Variants in TTC3 observed in about 807,000 individuals in gnomAD.
The protein encoded by TTC3 is tetratricopeptide repeat domain 3.
Under a neutral mutation model 249.6 loss-of-function variants are expected in TTC3, and 180 were observed. The observed-to-expected ratio is 0.72, with a 90% CI of 0.64 to 0.82. The LOEUF is 0.82. TTC3 is among the 40% of genes least tolerant of loss of function. TTC3 has a pLI of 0.00. For missense variants in TTC3, 2,061 were observed against 2,398.4 expected, an observed-to-expected ratio of 0.86 and a Z score of 2.94; for synonymous variants, 717 against 805.0, an observed-to-expected ratio of 0.89 and a Z score of 1.85.
chr21:37,126,588 C>T (rs1247220090), intron 15 of TTC3, among the ~76,000 whole-genome samples: 2 of 152,164 alleles, frequency 1.3e-5, no homozygotes, highest in Admixed American at 1.3e-4. Context: ...TTTTGTCTCC[C>T]AATAACTAAT....
rs138862573 is a variant in TTC3 at position 37,190,130 on chromosome 21, C to CTTTTTT, written c.5025-1180_5025-1175dup. Among the ~76,000 whole-genome samples, 464 of 65,050 alleles carry CTTTTTT rather than the reference C, an allele frequency of 7.1e-3. 19 individuals carry two copies. Among genetic ancestry groups the CTTTTTT allele is most frequent in the Middle Eastern group, 0.017 (1 of 58 alleles). 42.7% of individuals were successfully genotyped at this position (65,050 alleles called of 152,430 possible). On this transcript the variant is annotated intron_variant, in intron 39 of 45. Transcript: ENST00000355666. ...TTTTAGTGTATAGTTCTTTTTCTTT[C>CTTTTTT]TTTTTTTTTTTTTTTTTTTTTTTTT...
chr21:37,148,934 C>G (rs530246529), intron 23 of TTC3, among the ~76,000 whole-genome samples: 2 of 139,318 alleles, frequency 1.4e-5, no homozygotes, highest in South Asian at 5.7e-4. Context: ...CCAAGTGATC[C>G]TACTTCAGCC....
intron 32 of TTC3, 134 bp downstream of exon 32, chr21:37,164,349 T>A (rs1033266219): frequency 5.4e-6 from 5 of 930,826 alleles, no homozygotes; most frequent in Middle Eastern, 3.4e-4. Flanking sequence ...GATTTTTTTT[T>A]TTTTTTTGAG....
At chr21:37,128,874 A>G in intron 15 of TTC3, 129 bp from the exon 16 acceptor site, 1 of 491,686 alleles carries the variant, frequency 2.0e-6, no homozygotes, top group Non-Finnish European at 3.4e-6. Context: ...ACCCTTTTGT[A>G]GTTACACCCA....
At chr21:37,098,047 G>A (rs971186661) in intron 10 of TTC3, 33 of 655,822 alleles carry the variant, frequency 5.0e-5, no homozygotes, top group Middle Eastern at 2.4e-4. Flanking sequence ...GGCTTAAGCC[G>A]TGGATAAACC....
In TTC3 at chr21:37,091,510, A is replaced by T. The variant is rs1268878923; in HGVS notation, c.601+97A>T. The T allele has an allele frequency of 6.3e-6, 7 of 1,108,128 alleles. No individual in the cohort carries two copies. The Admixed American group carries it at 2.8e-4, about 44-fold the overall frequency. 68.6% of individuals were successfully genotyped at this position (1,108,128 alleles called of 1,614,324 possible). A position where few individuals can be genotyped will look rare whatever the true frequency, so the allele number is the denominator to read the frequency against. ...TAAGTGATTTCTGATTTATCTTAGAATTTAAAAAAAGTTTTTATTTTGTTA... is the reference window on the plus strand; with the variant it reads ...TAAGTGATTTCTGATTTATCTTAGATTTTAAAAAAAGTTTTTATTTTGTTA... On this transcript the variant is annotated intron_variant, in intron 7 of 45. Coordinates refer to ENST00000355666, the Ensembl canonical transcript of TTC3.
intron 10 of TTC3, among the ~76,000 whole-genome samples, chr21:37,106,192 T>C (rs1229760002): frequency 3.3e-5 from 5 of 152,248 alleles, no homozygotes. Context: ...CATAAGGTTA[T>C]TGACCATTTG....
At chr21:37,159,773 AC>A in intron 29 of TTC3, 28 bp downstream of exon 29, 1 of 1,468,468 alleles carries the variant, frequency 6.8e-7, no homozygotes, top group Non-Finnish European at 9.0e-7. Flanking sequence ...CTTGAATCTT[AC>A]GTTCTAATCT....
chr21:37,126,180 A>C (rs564214939), intron 15 of TTC3, 37 bp downstream of exon 15: 1 of 1,595,176 alleles, frequency 6.3e-7, no homozygotes. Context: ...TGCCAAGTTA[A>C]TATAATGTCT....
chr21:37,111,150 C>G (rs1045350874), intron 11 of TTC3, among the ~76,000 whole-genome samples: 2 of 151,270 alleles, frequency 1.3e-5, no homozygotes. Flanking sequence ...CATCAACTAA[C>G]GAGCAAAATA....
chr21:37,189,728 T>C (rs1226658635), intron 39 of TTC3, among the ~76,000 whole-genome samples: 5 of 151,632 alleles, frequency 3.3e-5, no homozygotes, highest in Admixed American at 2.0e-4. Context: ...TTTGTATTTT[T>C]AGTAGAGATG....
chr21:37,197,876 T>A lies in TTC3; in HGVS notation c.5707-6T>A, dbSNP rs771552378. ...CCCCTCCCCGCCACCCCTGTTATTTTCGCAGCCAAACCCAGGAAAGGACAA... is the reference window on the plus strand; with the variant it reads ...CCCCTCCCCGCCACCCCTGTTATTTACGCAGCCAAACCCAGGAAAGGACAA... On this transcript the variant is annotated splice_region_variant and splice_polypyrimidine_tract_variant and intron_variant, in intron 43 of 45. Transcript: ENST00000355666. 6.2e-7 allele frequency: 1 copy of A among 1,610,616 alleles called. No homozygotes were observed. The highest frequency in any genetic ancestry group is 8.5e-7 in the Non-Finnish European group (1 of 1,179,110).
chr21:37,166,686 T>C (rs1185895048), intron 33 of TTC3, 71 bp downstream of exon 33: 2 of 1,480,572 alleles, frequency 1.4e-6, no homozygotes, highest in African/African-American at 1.4e-5. Flanking sequence ...ATTGCCGTTA[T>C]ATTTGCAAGA....
At chr21:37,104,264 G>A (rs2074826234) in intron 10 of TTC3, among the ~76,000 whole-genome samples, 1 of 152,170 alleles carries the variant, frequency 6.6e-6, no homozygotes, top group African/African-American at 2.4e-5. Context: ...GTAGGAGGTA[G>A]AACTGGACTT....
At chr21:37,134,589 G>A (rs939640576) in intron 17 of TTC3, among the ~76,000 whole-genome samples, 1 of 152,076 alleles carries the variant, frequency 6.6e-6, no homozygotes, top group Non-Finnish European at 1.5e-5. Flanking sequence ...TGCATTTGCG[G>A]CCCCTTTGAA....
intron 35 of TTC3, among the ~76,000 whole-genome samples, chr21:37,179,641 A>C (rs919630996): frequency 6.6e-6 from 1 of 152,196 alleles, no homozygotes; most frequent in African/African-American, 2.4e-5. Context: ...TTTCTCTACC[A>C]AACTGTGATC....
chr21:37,168,397 G>A (rs1426212562), intron 34 of TTC3, among the ~76,000 whole-genome samples: 1 of 151,814 alleles, frequency 6.6e-6, no homozygotes, highest in Non-Finnish European at 1.5e-5. Flanking sequence ...ATGATCAACT[G>A]AAAACCTACA....
chr21:37,199,801 A>G (rs1425707126), intron 44 of TTC3, among the ~76,000 whole-genome samples: 1 of 152,124 alleles, frequency 6.6e-6, no homozygotes, highest in Non-Finnish European at 1.5e-5. Context: ...CCAGCTTTCT[A>G]TGTCAGGGAT....
chr21:37,100,846 G>A (rs1342418022), intron 10 of TTC3: 1 of 152,212 alleles, frequency 6.6e-6, no homozygotes, highest in Non-Finnish European at 1.5e-5. Flanking sequence ...ATATGAGTTG[G>A]TAACTATAGG....
Sources: gnomAD v4.1 joint callset for allele counts (sites outside exome capture counted in the v4.1 genomes callset) on GRCh38, gnomAD v4.1.1 for gene constraint, MANE v1.5 for transcripts, NCBI Gene and HGNC (gene_info 2026-07-23, HGNC 2026-07-21) for gene names.